Variants in ZNF569 observed in about 807,000 individuals in gnomAD.
ZNF569 encodes DNA-binding protein.
ZNF569 carries 38 observed loss-of-function variants against 56.3 expected under a neutral mutation model. The observed-to-expected ratio is 0.68, with a 90% CI of 0.52 to 0.88. ZNF569 has a LOEUF of 0.88. Ranked by LOEUF, ZNF569 falls within the 40% of genes least tolerant of loss-of-function variation. ZNF569 has a pLI of 0.00. For synonymous variants in ZNF569, 241 were observed against 262.9 expected (o/e 0.92, Z 0.81); for missense variants, 666 against 809.2 (o/e 0.82, Z 2.15).
chr19:37,441,210 C>A (rs1019161662), intron 3 of ZNF569, among the ~76,000 whole-genome samples: 1 of 152,142 alleles, frequency 6.6e-6, no homozygotes, highest in African/African-American at 2.4e-5. Context: ...GTGCCTAGAA[C>A]TCCCCACACT....
At chr19:37,468,972 C>T (rs1432112283), upstream of ZNF569, 29 of 858,556 alleles carry the variant, frequency 3.4e-5, no homozygotes, top group Non-Finnish European at 4.1e-5. Flanking sequence ...CGCGTTCCCA[C>T]GCACAAACCT....
chr19:37,468,788 G>T (rs1363776119), upstream of ZNF569, among the ~76,000 whole-genome samples: 1 of 152,218 alleles, frequency 6.6e-6, no homozygotes, highest in Non-Finnish European at 1.5e-5. Flanking sequence ...TTACAGGCGT[G>T]AGCCACCGTG....
intron 1 of ZNF569, 107 bp from the exon 2 acceptor site, chr19:37,465,580 G>A (rs1311019112): frequency 6.6e-6 from 1 of 152,102 alleles, no homozygotes; most frequent in Non-Finnish European, 1.5e-5. Flanking sequence ...TTGTTTTAGA[G>A]CAAATTAATT....
chr19:37,422,436 C>A (rs2041053824), intron 5 of ZNF569, among the ~76,000 whole-genome samples: 1 of 152,140 alleles, frequency 6.6e-6, no homozygotes, highest in Non-Finnish European at 1.5e-5. Context: ...TCAAAGATCA[C>A]TGATCACAGA....
At chr19:37,416,488 C>T (rs1263639518) in intron 5 of ZNF569, among the ~76,000 whole-genome samples, 1 of 152,062 alleles carries the variant, frequency 6.6e-6, no homozygotes, top group African/African-American at 2.4e-5. Context: ...TACCAAAATC[C>T]ATGGATGCTC....
At chr19:37,440,996 C>T (rs1194328498) in intron 3 of ZNF569, among the ~76,000 whole-genome samples, 1 of 152,190 alleles carries the variant, frequency 6.6e-6, no homozygotes, top group Non-Finnish European at 1.5e-5. Flanking sequence ...CTACTCAGCA[C>T]TCACTGGCTC....
intron 2 of ZNF569, among the ~76,000 whole-genome samples, chr19:37,445,546 A>G (rs1222442145): frequency 6.6e-6 from 1 of 152,122 alleles, no homozygotes; most frequent in Non-Finnish European, 1.5e-5. Flanking sequence ...TACCTGGAAA[A>G]CCCTAAAGAT....
chr19:37,445,763 GA>G (rs1568738778), intron 2 of ZNF569, among the ~76,000 whole-genome samples: 1 of 152,102 alleles, frequency 6.6e-6, no homozygotes, highest in Non-Finnish European at 1.5e-5. Flanking sequence ...TCTCTATAAG[GA>G]AAACTACAAA....
At chr19:37,456,320 C>T (rs1193297323) in intron 2 of ZNF569, among the ~76,000 whole-genome samples, 3 of 152,248 alleles carry the variant, frequency 2.0e-5, no homozygotes, top group African/African-American at 4.8e-5. Context: ...ATTTATTGTT[C>T]TCTTCTAGGA....
At chr19:37,466,524 G>A (rs1230404642) in intron 1 of ZNF569, among the ~76,000 whole-genome samples, 2 of 152,146 alleles carry the variant, frequency 1.3e-5, no homozygotes, top group Non-Finnish European at 2.9e-5. Context: ...CTACTCGGGA[G>A]GCTGAGGGAG....
intron 3 of ZNF569, among the ~76,000 whole-genome samples, chr19:37,442,619 G>A (rs923345961): frequency 1.3e-5 from 2 of 152,182 alleles, no homozygotes; most frequent in African/African-American, 2.4e-5. Flanking sequence ...AGATGGTCAG[G>A]AGTGGATACA....
Position 37,414,076 on chromosome 19 carries a change from G to A in ZNF569, c.582C>T (p.Gly194=). 6.2e-7 allele frequency: 1 copy of A among 1,613,650 alleles called. No individual in the cohort carries two copies. Among genetic ancestry groups the A allele is most frequent in the Non-Finnish European group, 8.5e-7 (1 of 1,179,888 alleles). ...TGATGAGGTCCAAAGTCTGATTGAA[G>A]CCTTTTCCACAATGATTACACTTAA... The part of the protein sequence containing the change: ...TPFKCNHCGK[G]FNQTLDLIRH... Residue 194 remains glycine (G), a synonymous_variant, in exon 6 of 6, where the codon GGC becomes GGT. Coordinates refer to ENST00000316950, the MANE Select transcript of ZNF569 (RefSeq NM_152484.3).
At chr19:37,469,207 T>G (rs985547039), upstream of ZNF569, 4 of 1,286,454 alleles carry the variant, frequency 3.1e-6, no homozygotes, top group Admixed American at 3.6e-5. Context: ...GAGGAGGCCG[T>G]GTTACAAACC....
chr19:37,468,093 T>TG (rs2041881525), upstream of ZNF569: 4 of 685,410 alleles, frequency 5.8e-6, no homozygotes, highest in African/African-American at 1.8e-5. Flanking sequence ...TTGTTTGTTT[T>TG]GTTTTTTTTG....
chr19:37,435,123 AAAAT>A (rs976295227), intron 3 of ZNF569, among the ~76,000 whole-genome samples: 7 of 152,178 alleles, frequency 4.6e-5, no homozygotes, highest in African/African-American at 1.2e-4. Context: ...CTCCATCTCA[AAAAT>A]AAATAAATAA....
At position 37,412,734 on chromosome 19, in the gene ZNF569, CT is replaced by C; in HGVS notation, c.1923del (p.Ala642ProfsTer12). ...GTAAGAGATGAGATTTGAGAGAAGG[CT>C]TTTCCACATTTACTACAGTCGAAGG... The part of the protein sequence containing the change: ...EKPFDCSKCG[K>X]AFSQISSLTL... On this transcript the variant is annotated frameshift_variant, in exon 6 of 6. Transcript: ENST00000316950. LOFTEE classifies it high-confidence loss of function. 4 of 1,614,098 alleles carry C rather than the reference CT, an allele frequency of 2.5e-6. No homozygotes were observed. The highest frequency in any genetic ancestry group is 3.4e-6 in the Non-Finnish European group (4 of 1,179,964).
At position 37,454,824 on chromosome 19, in the gene ZNF569, A is replaced by G. The variant is rs938273260; in HGVS notation, c.-43-9860T>C. On this transcript the variant is annotated intron_variant, in intron 2 of 5. Coordinates refer to ENST00000316950, the MANE Select transcript of ZNF569 (RefSeq NM_152484.3). Reference sequence around the variant, plus strand: ...ATTTGTTTAAAAACTTGATAGCTGTATTTTCTTACTGGCTTATATGGTGTC... The same window carrying G: ...ATTTGTTTAAAAACTTGATAGCTGTGTTTTCTTACTGGCTTATATGGTGTC... The G allele has an allele frequency of 4.3e-6, 3 of 701,876 alleles. No homozygotes were observed. In the Admixed American group the frequency reaches 6.0e-5, roughly 14 times the overall value. The allele number at this position is 701,876 out of a possible 1,614,324, so 43.5% of individuals were successfully genotyped here. A position where few individuals can be genotyped will look rare whatever the true frequency, so the allele number is the denominator to read the frequency against.
intron 3 of ZNF569, among the ~76,000 whole-genome samples, chr19:37,439,502 T>C (rs2041368838): frequency 1.3e-5 from 2 of 152,124 alleles, no homozygotes; most frequent in African/African-American, 4.8e-5. Context: ...TGGAAGTTCA[T>C]CAAAAAAGTA....
chr19:37,426,448 C>T (rs2041135473), intron 3 of ZNF569, 70 bp from the exon 4 acceptor site: 1 of 1,452,976 alleles, frequency 6.9e-7, no homozygotes, highest in Non-Finnish European at 9.1e-7. Flanking sequence ...ATATATTGAA[C>T]CTTGTTCTGA....
Sources: gnomAD v4.1 joint callset for allele counts (sites outside exome capture counted in the v4.1 genomes callset) on GRCh38, gnomAD v4.1.1 for gene constraint, MANE v1.5 for transcripts, NCBI Gene and HGNC (gene_info 2026-07-23, HGNC 2026-07-21) for gene names.